Variants in FN3K observed in about 807,000 individuals in gnomAD.
FN3K encodes the protein fructosamine-3-kinase.
Under a neutral mutation model 24.8 loss-of-function variants are expected in FN3K, and 24 were observed. That is an observed-to-expected ratio of 0.97 (90% CI 0.70 to 1.36). The LOEUF is 1.36. Among genes scored for constraint, FN3K ranks in the 40% most tolerant of loss-of-function variants. The probability of loss-of-function intolerance (pLI) is 0.00; values close to 1 mark genes in which losing one functional copy is unlikely to be tolerated. For synonymous variants in FN3K, 192 were observed against 175.2 expected, an observed-to-expected ratio of 1.10 and a Z score of -0.76; for missense variants, 449 against 416.7, an observed-to-expected ratio of 1.08 and a Z score of -0.67.
chr17:82,746,183 C>G (rs1448621914), intron 4 of FN3K, among the ~76,000 whole-genome samples: 1 of 151,320 alleles, frequency 6.6e-6, no homozygotes, highest in Non-Finnish European at 1.5e-5. Flanking sequence ...AGTTCCAGTT[C>G]CTCCACATCC....
rs1394506837 is a variant in FN3K, at chr17:82,749,084, C to A, written c.591+107C>A. On this transcript the variant is annotated intron_variant, in intron 5 of 5. Coordinates refer to ENST00000300784, the MANE Select transcript of FN3K (RefSeq NM_022158.4). Reference sequence around the variant, plus strand: ...GGAGCTGGAGCAGGGAACACTGAGTCCTGGAGCACACATCAGGGAGGAAGG... The same window carrying A: ...GGAGCTGGAGCAGGGAACACTGAGTACTGGAGCACACATCAGGGAGGAAGG... 13 of 1,529,106 alleles carry A rather than the reference C, an allele frequency of 8.5e-6. No individual in the cohort carries two copies. The Admixed American group carries it at 9.3e-5, about 11-fold the overall frequency. The allele number at this position is 1,529,106 out of a possible 1,614,324, so 94.7% of individuals were successfully genotyped here.
At chr17:82,741,230 G>C in intron 3 of FN3K, 81 bp from the exon 4 acceptor site, 2 of 1,286,500 alleles carry the variant, frequency 1.6e-6, no homozygotes, top group Non-Finnish European at 2.2e-6. Flanking sequence ...CGTAGCCCAG[G>C]CTTGTACTGA....
chr17:82,738,644 A>T lies in FN3K; in HGVS notation c.293+4A>T, dbSNP rs2046920901. ...TGAAGATGAAGAGCTTGAGCAGGTG[A>T]GTGTGTGTGAGACCCATATGCGCAC... On this transcript the variant is annotated splice_donor_region_variant and intron_variant, in intron 2 of 5. Coordinates refer to ENST00000300784, the MANE Select transcript of FN3K (RefSeq NM_022158.4). 6.2e-7 allele frequency: 1 copy of T among 1,613,716 alleles called. No homozygotes were observed. Among genetic ancestry groups the T allele is most frequent in the Non-Finnish European group, 8.5e-7 (1 of 1,179,822 alleles).
chr17:82,742,641 G>A (rs761284866), intron 4 of FN3K: 1 of 452,216 alleles, frequency 2.2e-6, no homozygotes, highest in Non-Finnish European at 4.4e-6. Context: ...TAATACTGGA[G>A]CCTCTTGAAC....
intron 5 of FN3K, 143 bp downstream of exon 5, chr17:82,749,120 C>T (rs919966905): frequency 2.0e-5 from 25 of 1,256,938 alleles, no homozygotes; most frequent in African/African-American, 1.0e-4. Flanking sequence ...GGGGCAGGGG[C>T]GGGGGTTCCC....
At chr17:82,748,046 T>G (rs1203552419) in intron 4 of FN3K, among the ~76,000 whole-genome samples, 1 of 152,244 alleles carries the variant, frequency 6.6e-6, no homozygotes, top group Non-Finnish European at 1.5e-5. Flanking sequence ...AGGATTATTA[T>G]GTTCATTAGT....
rs1189473665 is a variant in FN3K at position 82,740,786 on chromosome 17, A to C, written c.317A>C (p.Gln106Pro). 1 of 1,613,770 alleles carries C rather than the reference A, an allele frequency of 6.2e-7. No homozygotes were observed. ...LSSQASKLGE[Q>P]MADLHLYNQK... is the part of the protein sequence containing the mutation. ...AGTCAAGCATCAAAACTTGGAGAGC[A>C]GATGGCAGATTTGCATCTTTACAAC... is the stretch of plus-strand genomic sequence containing the variant. Residue 106 changes from glutamine to proline, a missense_variant, in exon 3 of 6, where the codon CAG (glutamine) becomes CCG (proline). Transcript: ENST00000300784.
intron 2 of FN3K, among the ~76,000 whole-genome samples, chr17:82,738,992 G>C (rs2046924879): frequency 7.2e-6 from 1 of 139,174 alleles, no homozygotes; most frequent in Admixed American, 7.1e-5. Context: ...GCCCAGGCTA[G>C]AGTGCAGTGC....
In FN3K at chr17:82,738,559, C is replaced by G; in HGVS notation, c.212C>G (p.Pro71Arg). The change falls in exon 2 of 6, where the codon CCG becomes CGG. Residue 71 changes from proline (P) to arginine (R), a missense_variant. Physicochemically the swap from Pro to Arg is moderately radical, Grantham distance 103. Coordinates refer to ENST00000300784, the MANE Select transcript of FN3K (RefSeq NM_022158.4). ...ALRSTGLVRV[P>R]RPMKVIDLPG... ...AGGAGCACGGGCCTGGTGCGGGTGC[C>G]GAGGCCCATGAAGGTCATCGACCTG... is the stretch of plus-strand genomic sequence containing the variant. The G allele has an allele frequency of 2.5e-6, 4 of 1,613,046 alleles. No homozygotes were observed. The highest frequency in any genetic ancestry group is 2.2e-5 in the South Asian group (2 of 91,008).
At chr17:82,744,642 C>T (rs1020343556) in intron 4 of FN3K, among the ~76,000 whole-genome samples, 1 of 151,782 alleles carries the variant, frequency 6.6e-6, no homozygotes, top group Admixed American at 6.6e-5. Context: ...ATAAGGGGAC[C>T]CAGGGAACTA....
In FN3K at chr17:82,747,917, C is replaced by T. The variant is rs1483547030; in HGVS notation, c.469-938C>T. Among the ~76,000 whole-genome samples, 3 of 152,272 alleles carry T rather than the reference C, an allele frequency of 2.0e-5. No homozygotes were observed. The East Asian group carries it at 5.8e-4, about 29-fold the overall frequency. On this transcript the variant is annotated intron_variant, in intron 4 of 5. Transcript: ENST00000300784. ...AATACAGGTATATTAGGGGTTAGGGCTTCAACGTAGGAACGGGGGTGGGCA... is the reference window on the plus strand; with the variant it reads ...AATACAGGTATATTAGGGGTTAGGGTTTCAACGTAGGAACGGGGGTGGGCA...
chr17:82,742,846 C>T (rs746434739), intron 4 of FN3K: 11 of 399,450 alleles, frequency 2.8e-5, no homozygotes, highest in Admixed American at 2.0e-4. Context: ...TGTCGACGCC[C>T]GTCCTGACTA....
intron 4 of FN3K, among the ~76,000 whole-genome samples, chr17:82,748,381 A>G (rs2046980391): frequency 6.6e-6 from 1 of 152,066 alleles, no homozygotes; most frequent in African/African-American, 2.4e-5. Context: ...TCCTGGGCTC[A>G]AGGGATCTGC....
intron 4 of FN3K, among the ~76,000 whole-genome samples, chr17:82,746,298 G>T (rs2046968340): frequency 6.6e-6 from 1 of 152,060 alleles, no homozygotes; most frequent in African/African-American, 2.4e-5. Flanking sequence ...GACTGAAGAT[G>T]TGGAGCATCT....
intron 4 of FN3K, among the ~76,000 whole-genome samples, chr17:82,743,942 A>G (rs1228284645): frequency 6.6e-6 from 1 of 151,856 alleles, no homozygotes; most frequent in East Asian, 1.9e-4. Context: ...AGGTGGCAGG[A>G]CTGGGCTAGC....
chr17:82,751,013 T>TGCC lies in FN3K; in HGVS notation c.*258_*259insGCC. On this transcript the variant is annotated 3_prime_UTR_variant, in exon 6 of 6. Coordinates refer to ENST00000300784, the MANE Select transcript of FN3K (RefSeq NM_022158.4). ...CGACCCCCCATCCCCGTCCCCCATC[T>TGCC]CCGTCCCCGTCCCCCCTGCCCCGTC... 1.0e-5 allele frequency: 1 copy of TGCC among 96,652 alleles called. No individual in the cohort carries two copies. Among genetic ancestry groups the TGCC allele is most frequent in the Non-Finnish European group, 1.8e-5 (1 of 55,624 alleles). The allele number at this position is 96,652 out of a possible 1,614,324, so 6.0% of individuals were successfully genotyped here. A position where few individuals can be genotyped will look rare whatever the true frequency, so the allele number is the denominator to read the frequency against.
chr17:82,748,983 C>T lies in FN3K; in HGVS notation c.591+6C>T, dbSNP rs2046984844. 1.8e-5 allele frequency: 29 copies of T among 1,614,146 alleles called. No homozygotes were observed. The highest frequency in any genetic ancestry group is 2.5e-5 in the Non-Finnish European group (29 of 1,180,030). On this transcript the variant is annotated splice_donor_region_variant and intron_variant, in intron 5 of 5. Coordinates refer to ENST00000300784, the MANE Select transcript of FN3K (RefSeq NM_022158.4). Reference sequence around the variant, plus strand: ...AACTCTGGTCCCGGCTACAGGTGGGCACGGCAGTGACTTCTCTGGGAAAGA... The same window carrying T: ...AACTCTGGTCCCGGCTACAGGTGGGTACGGCAGTGACTTCTCTGGGAAAGA...
At chr17:82,736,950 T>C (rs8067360) in intron 1 of FN3K, among the ~76,000 whole-genome samples, 77,278 of 151,696 alleles carry the variant, frequency 0.51, 20,129 homozygotes, top group South Asian at 0.68. Context: ...GGCCGGCACA[T>C]AGTAGCTGCT....
At position 82,735,675 on chromosome 17, in the gene FN3K, C is replaced by A. The variant is rs1053776859; in HGVS notation, c.39C>A (p.Thr13=). The change falls in exon 1 of 6, where the codon ACC becomes ACA. Residue 13 remains threonine, a synonymous_variant. Coordinates refer to ENST00000300784, the MANE Select transcript of FN3K (RefSeq NM_022158.4). ...TGCGCGCCGAGCTGCGCACCGCGAC[C>A]CTGCGGGCCTTCGGCGGCCCCGGCG... is the stretch of plus-strand genomic sequence containing the variant. ...QLLRAELRTA[T]LRAFGGPGAG... is the part of the protein sequence containing the mutation. 17 of 1,539,888 alleles carry A rather than the reference C, an allele frequency of 1.1e-5. No individual in the cohort carries two copies. Among genetic ancestry groups the A allele is most frequent in the Non-Finnish European group, 1.4e-5 (16 of 1,147,016 alleles).
Sources: gnomAD v4.1 joint callset for allele counts (sites outside exome capture counted in the v4.1 genomes callset) on GRCh38, gnomAD v4.1.1 for gene constraint, MANE v1.5 for transcripts, NCBI Gene and HGNC (gene_info 2026-07-23, HGNC 2026-07-21) for gene names.